Variants in IGSF21 observed in about 807,000 individuals in gnomAD.
IGSF21 encodes immunoglobulin superfamily member 21.
IGSF21 carries 28 observed loss-of-function variants against 46.8 expected under a neutral mutation model. That is an observed-to-expected ratio of 0.60 (90% confidence interval 0.44 to 0.82). IGSF21 has a LOEUF of 0.82. Among genes scored for constraint, IGSF21 ranks in the 40% least tolerant of loss-of-function variants. The pLI, the probability that IGSF21 is intolerant of heterozygous loss-of-function variation, is 0.00. For synonymous variants in IGSF21, 284 were observed against 273.6 expected (o/e 1.04, Z -0.38); for missense variants, 624 against 665.5 (o/e 0.94, Z 0.69).
intron 1 of IGSF21, among the ~76,000 whole-genome samples, chr1:18,208,395 A>ATATATATT (rs369367032): frequency 0.059 from 7,337 of 123,702 alleles, 640 homozygotes; most frequent in East Asian, 0.1. Flanking sequence ...ATATATATAT[A>ATATATATT]TTTTTTGAGA....
chr1:18,192,918 T>A (rs772063965), intron 1 of IGSF21, among the ~76,000 whole-genome samples: 1 of 152,038 alleles, frequency 6.6e-6, no homozygotes, highest in Non-Finnish European at 1.5e-5. Flanking sequence ...GAATATCTAC[T>A]AAGTGGGAAG....
At chr1:18,196,449 G>A (rs1359067171) in intron 1 of IGSF21, among the ~76,000 whole-genome samples, 1 of 152,184 alleles carries the variant, frequency 6.6e-6, no homozygotes, top group African/African-American at 2.4e-5. Context: ...TGTGCAGTGT[G>A]CAGCCAAGAG....
At chr1:18,293,400 T>G (rs1397881838) in intron 3 of IGSF21, among the ~76,000 whole-genome samples, 5 of 152,118 alleles carry the variant, frequency 3.3e-5, no homozygotes, top group South Asian at 4.1e-4. Flanking sequence ...TGCCTGCTTT[T>G]GTAAAAATGG....
At chr1:18,250,302 A>AT (rs1425677963) in intron 2 of IGSF21, among the ~76,000 whole-genome samples, 1 of 151,870 alleles carries the variant, frequency 6.6e-6, no homozygotes, top group Non-Finnish European at 1.5e-5. Flanking sequence ...CCCTCAACAG[A>AT]CTGGGAACCC....
chr1:18,336,848 T>C (rs370447661), intron 4 of IGSF21, among the ~76,000 whole-genome samples: 102 of 152,274 alleles, frequency 6.7e-4, no homozygotes, highest in Middle Eastern at 3.4e-3. Context: ...TAGGGAGGCC[T>C]CACAATCGCG....
At chr1:18,173,132 C>CA (rs1389964450) in intron 1 of IGSF21, among the ~76,000 whole-genome samples, 2 of 152,066 alleles carry the variant, frequency 1.3e-5, no homozygotes, top group African/African-American at 4.8e-5. Flanking sequence ...ACTAAAAATA[C>CA]AAAAAATTAG....
chr1:18,349,606 G>A (rs887911103), intron 4 of IGSF21, among the ~76,000 whole-genome samples: 25 of 152,292 alleles, frequency 1.6e-4, no homozygotes, highest in African/African-American at 5.5e-4. Flanking sequence ...GGGGCAGGGA[G>A]TAACATATCA....
At chr1:18,236,555 CA>C (rs1291572272) in intron 2 of IGSF21, among the ~76,000 whole-genome samples, 1 of 152,164 alleles carries the variant, frequency 6.6e-6, no homozygotes, top group Admixed American at 6.5e-5. Flanking sequence ...ATTGAGGCCA[CA>C]AATCTGGAAT....
chr1:18,305,515 T>TGGA (rs1172697478), intron 3 of IGSF21, among the ~76,000 whole-genome samples: 5 of 141,962 alleles, frequency 3.5e-5, no homozygotes, highest in Admixed American at 7.0e-5. Context: ...GATGGATGAA[T>TGGA]GGATGGATGG....
chr1:18,239,657 C>T (rs978344007), intron 2 of IGSF21, among the ~76,000 whole-genome samples: 10 of 152,140 alleles, frequency 6.6e-5, no homozygotes, highest in Admixed American at 1.3e-4. Context: ...TTCCCACCTC[C>T]GAGCTGGTGC....
At chr1:18,270,907 C>G (rs2124545146) in intron 2 of IGSF21, among the ~76,000 whole-genome samples, 1 of 152,384 alleles carries the variant, frequency 6.6e-6, no homozygotes, top group East Asian at 1.9e-4. Context: ...TCATTCTCCC[C>G]ACTGAAGCCA....
At chr1:18,341,430 C>T (rs1369379431) in intron 4 of IGSF21, among the ~76,000 whole-genome samples, 1 of 152,146 alleles carries the variant, frequency 6.6e-6, no homozygotes, top group Non-Finnish European at 1.5e-5. Flanking sequence ...GGACATAATT[C>T]AACCCACAGC....
At chr1:18,317,937 C>T (rs896512029) in intron 3 of IGSF21, among the ~76,000 whole-genome samples, 5 of 152,204 alleles carry the variant, frequency 3.3e-5, no homozygotes, top group Non-Finnish European at 5.9e-5. Context: ...CTCCAGGTCA[C>T]GCAGCGAGTC....
intron 2 of IGSF21, among the ~76,000 whole-genome samples, chr1:18,244,760 T>G (rs1485872111): frequency 6.6e-6 from 1 of 152,102 alleles, no homozygotes; most frequent in Admixed American, 6.5e-5. Flanking sequence ...GCTAATAGAT[T>G]TTTTTTATTT....
chr1:18,254,311 C>G (rs2084869580), intron 2 of IGSF21, among the ~76,000 whole-genome samples: 1 of 145,042 alleles, frequency 6.9e-6, no homozygotes, highest in Non-Finnish European at 1.5e-5. Context: ...TCTTTTTGAG[C>G]CATTCACTGG....
chr1:18,194,967 C>A (rs532243157), intron 1 of IGSF21, among the ~76,000 whole-genome samples: 1 of 152,170 alleles, frequency 6.6e-6, no homozygotes, highest in Non-Finnish European at 1.5e-5. Context: ...AGGCAAAAGA[C>A]CTTGTGCAGG....
chr1:18,198,760 C>T (rs1423296649), intron 1 of IGSF21, among the ~76,000 whole-genome samples: 1 of 152,192 alleles, frequency 6.6e-6, no homozygotes, highest in Non-Finnish European at 1.5e-5. Context: ...CATCCGATGG[C>T]AGAGTGACGC....
At chr1:18,300,810 G>T (rs1352480685) in intron 3 of IGSF21, among the ~76,000 whole-genome samples, 1 of 152,082 alleles carries the variant, frequency 6.6e-6, no homozygotes, top group East Asian at 1.9e-4. Context: ...CCTACCCCCA[G>T]AGCTCTAATT....
chr1:18,246,723 C>A (rs1014797658), intron 2 of IGSF21, among the ~76,000 whole-genome samples: 2 of 152,142 alleles, frequency 1.3e-5, no homozygotes, highest in African/African-American at 4.8e-5. Flanking sequence ...TCTAGCGCAC[C>A]CTGGCGGCAC....
Sources: gnomAD v4.1 joint callset for allele counts (sites outside exome capture counted in the v4.1 genomes callset) on GRCh38, gnomAD v4.1.1 for gene constraint, MANE v1.5 for transcripts, NCBI Gene and HGNC (gene_info 2026-07-23, HGNC 2026-07-21) for gene names.